The following GALNT18 variants were observed in gnomAD, a reference collection of about 807,000 sequenced individuals.
The protein encoded by GALNT18 is polypeptide N-acetylgalactosaminyltransferase 18, also known as GalNAc-transferase 18.
A neutral mutation model predicts 69.5 loss-of-function variants in GALNT18; 44 were observed. The ratio of observed to expected loss-of-function variants is 0.63; its 90% confidence interval spans 0.50 to 0.81. The LOEUF is 0.81. GALNT18 is among the 40% of genes least tolerant of loss of function. The pLI, the probability that GALNT18 is intolerant of heterozygous loss-of-function variation, is 0.00. For synonymous variants in GALNT18, 364 were observed against 318.2 expected, an observed-to-expected ratio of 1.14 and a Z score of -1.53; for missense variants, 715 against 810.0, an observed-to-expected ratio of 0.88 and a Z score of 1.42.
At chr11:11,306,135 A>C (rs1322223450) in intron 9 of GALNT18, among the ~76,000 whole-genome samples, 1 of 152,200 alleles carries the variant, frequency 6.6e-6, no homozygotes, top group African/African-American at 2.4e-5. Flanking sequence ...ATACCTTTTT[A>C]GCATACAACA....
intron 6 of GALNT18, among the ~76,000 whole-genome samples, chr11:11,361,146 A>T (rs1850636579): frequency 6.6e-6 from 1 of 152,188 alleles, no homozygotes; most frequent in South Asian, 2.1e-4. Flanking sequence ...GGGGAAAGTG[A>T]ATGTTTGAAG....
At chr11:11,375,648 TCA>T (rs1347773053) in intron 5 of GALNT18, among the ~76,000 whole-genome samples, 1 of 152,188 alleles carries the variant, frequency 6.6e-6, no homozygotes, top group Non-Finnish European at 1.5e-5. Flanking sequence ...TTCACCTCTC[TCA>T]GTCTTGCTCT....
Position 11,356,841 on chromosome 11 carries a change from T to C in GALNT18, c.1092+15674A>G, listed in dbSNP as rs1478400415. Among the ~76,000 whole-genome samples the C allele has an allele frequency of 2.6e-5, 4 of 152,208 alleles. No individual in the cohort carries two copies. Among genetic ancestry groups the C allele is most frequent in the Non-Finnish European group, 5.9e-5 (4 of 68,042 alleles). On this transcript the variant is annotated intron_variant, in intron 6 of 10. Transcript: ENST00000227756. The surrounding 1 kb of genome is among the most constrained non-coding windows in gnomAD (Gnocchi z 4.4). The stretch of plus-strand genomic sequence containing the variant: ...TAGCTAATCACTTCATTATGTACTT[T>C]TTAAATTGCTTTGTTCTGTAGGGAT...
At chr11:11,283,423 A>T (rs1345483978) in intron 10 of GALNT18, among the ~76,000 whole-genome samples, 1 of 152,174 alleles carries the variant, frequency 6.6e-6, no homozygotes, top group Non-Finnish European at 1.5e-5. Context: ...CTGGAATTAC[A>T]AGCAAGACTT....
At chr11:11,286,566 C>T (rs889249505) in intron 10 of GALNT18, among the ~76,000 whole-genome samples, 1 of 152,124 alleles carries the variant, frequency 6.6e-6, no homozygotes, top group Non-Finnish European at 1.5e-5. Flanking sequence ...ATCTTTGGGG[C>T]TCCCACAAAC....
At chr11:11,323,529 G>T (rs944309741) in intron 9 of GALNT18, among the ~76,000 whole-genome samples, 12 of 152,198 alleles carry the variant, frequency 7.9e-5, no homozygotes, top group African/African-American at 2.9e-4. Flanking sequence ...CATCACTACC[G>T]TGGCTGTGTG....
In GALNT18 at chr11:11,517,725, G is replaced by A. The variant is rs189369287; in HGVS notation, c.236-68789C>T. On this transcript the variant is annotated intron_variant, in intron 1 of 10. Transcript: ENST00000227756. ...GGCCCCTGCCACAGTGCTCAGTCCC[G>A]GTGGCCTGTCCTTGCTGAGCCATCT... 2.3e-3 allele frequency among the ~76,000 whole-genome samples: 353 copies of A among 152,132 alleles called. 1 individual carries two copies. The highest frequency in any genetic ancestry group is 7.9e-3 in the African/African-American group (327 of 41,466).
Position 11,605,355 on chromosome 11 carries a change from CCT to C in GALNT18, c.235+16002_235+16003del, listed in dbSNP as rs1460199235. On this transcript the variant is annotated intron_variant, in intron 1 of 10. Transcript: ENST00000227756. The surrounding 1 kb of genome is among the most constrained non-coding windows in gnomAD (Gnocchi z 4.7). ...CACCCTCTTCTGATCTCCGGGTTGC[CCT>C]CTCTCAGCTCCCTCTCCTCACTGCA... is the stretch of plus-strand genomic sequence containing the variant. Among the ~76,000 whole-genome samples, 2 of 152,106 alleles carry C rather than the reference CCT, an allele frequency of 1.3e-5. No homozygotes were observed. Among genetic ancestry groups the C allele is most frequent in the African/African-American group, 2.4e-5 (1 of 41,420 alleles).
chr11:11,557,550 G>A (rs1198129992), intron 1 of GALNT18, among the ~76,000 whole-genome samples: 1 of 152,170 alleles, frequency 6.6e-6, no homozygotes, highest in East Asian at 1.9e-4. Context: ...CTGAAAAATA[G>A]GGATAAAAAT....
Position 11,590,714 on chromosome 11 carries a change from T to C in GALNT18, c.235+30645A>G, listed in dbSNP as rs1205062226. On this transcript the variant is annotated intron_variant, in intron 1 of 10. Coordinates refer to ENST00000227756, the MANE Select transcript of GALNT18 (RefSeq NM_198516.3). This position sits in a 1 kb window ranked among gnomAD's most constrained non-coding sequence, Gnocchi z 4.4. ...TGACAGAACACATATACAATGGTGG[T>C]CCCGTAAGATTACAATGGAGCCCAA... 6.6e-6 allele frequency among the ~76,000 whole-genome samples: 1 copy of C among 152,132 alleles called. No individual in the cohort carries two copies. The highest frequency in any genetic ancestry group is 1.5e-5 in the Non-Finnish European group (1 of 68,030).
intron 1 of GALNT18, among the ~76,000 whole-genome samples, chr11:11,515,784 A>T (rs1467726317): frequency 2.6e-5 from 4 of 152,178 alleles, no homozygotes; most frequent in African/African-American, 9.7e-5. Flanking sequence ...GAGCAGGAAG[A>T]GCAAATGCAG....
At chr11:11,393,059 G>A (rs900841497) in intron 3 of GALNT18, among the ~76,000 whole-genome samples, 1 of 152,176 alleles carries the variant, frequency 6.6e-6, no homozygotes, top group African/African-American at 2.4e-5. Context: ...GCAGGGCAGG[G>A]CATGTCCAGA....
rs994828411 is a variant in GALNT18, at chr11:11,587,477, G to T, written c.235+33882C>A. Among the ~76,000 whole-genome samples the T allele has an allele frequency of 3.3e-5, 5 of 152,324 alleles. No individual in the cohort carries two copies. Among genetic ancestry groups the T allele is most frequent in the African/African-American group, 9.6e-5 (4 of 41,578 alleles). ...TCTGCAGGTTGCTAATGAGCAGTGA[G>T]CATATCCAAAGCCTCGATCTAGGAG... On this transcript the variant is annotated intron_variant, in intron 1 of 10. Transcript: ENST00000227756. The surrounding 1 kb of genome is among the most constrained non-coding windows in gnomAD (Gnocchi z 4.4).
In GALNT18 at chr11:11,613,595, C is replaced by T. The variant is rs1175966290; in HGVS notation, c.235+7764G>A. Among the ~76,000 whole-genome samples, 1 of 152,150 alleles carries T rather than the reference C, an allele frequency of 6.6e-6. No homozygotes were observed. The highest frequency in any genetic ancestry group is 1.9e-4 in the East Asian group (1 of 5,190). Reference sequence around the variant, plus strand: ...TGAGGAAGGGGGAAACATCAAGGACCCCTGGGCTCAAGCATTGCATTACAG... The same window carrying T: ...TGAGGAAGGGGGAAACATCAAGGACTCCTGGGCTCAAGCATTGCATTACAG... On this transcript the variant is annotated intron_variant, in intron 1 of 10. Transcript: ENST00000227756. This position sits in a 1 kb window ranked among gnomAD's most constrained non-coding sequence, Gnocchi z 4.2.
chr11:11,457,773 T>C (rs1855956111), intron 1 of GALNT18, among the ~76,000 whole-genome samples: 1 of 151,416 alleles, frequency 6.6e-6, no homozygotes, highest in African/African-American at 2.4e-5. Context: ...CAGTTTACTG[T>C]GTCCCTCTCT....
At chr11:11,537,418 C>A (rs1387205819) in intron 1 of GALNT18, among the ~76,000 whole-genome samples, 1 of 152,104 alleles carries the variant, frequency 6.6e-6, no homozygotes, top group Non-Finnish European at 1.5e-5. Context: ...AATGTGGTCA[C>A]CAGGATACAG....
rs1859662552 is a variant in GALNT18 at position 11,602,787 on chromosome 11, A to G, written c.235+18572T>C. The stretch of plus-strand genomic sequence containing the variant: ...CAAAAAAAGAGAGAATCATTTAGAG[A>G]ACAGCTGGCTCTATTGATCAGTGCT... On this transcript the variant is annotated intron_variant, in intron 1 of 10. Transcript: ENST00000227756. The surrounding 1 kb of genome is among the most constrained non-coding windows in gnomAD (Gnocchi z 4.7). Among the ~76,000 whole-genome samples the G allele has an allele frequency of 6.6e-6, 1 of 152,174 alleles. No homozygotes were observed. The highest frequency in any genetic ancestry group is 2.4e-5 in the African/African-American group (1 of 41,446).
chr11:11,427,418 C>T (rs539979393), intron 3 of GALNT18, among the ~76,000 whole-genome samples: 3 of 152,228 alleles, frequency 2.0e-5, no homozygotes, highest in East Asian at 1.9e-4. Flanking sequence ...TGGGGAGACA[C>T]GAGGCGCCAG....
At chr11:11,609,665 T>C (rs986687524) in intron 1 of GALNT18, among the ~76,000 whole-genome samples, 1 of 152,162 alleles carries the variant, frequency 6.6e-6, no homozygotes, top group African/African-American at 2.4e-5. Context: ...TGGAAGCACA[T>C]CTGCAATTTC....
Sources: allele counts gnomAD v4.1 joint callset (sites outside exome capture counted in the v4.1 genomes callset), GRCh38; gene constraint gnomAD v4.1.1; non-coding constraint Gnocchi (gnomAD v3.1); transcripts MANE v1.5; gene names NCBI Gene and HGNC (gene_info 2026-07-23, HGNC 2026-07-21).